BMP1: variants seen among roughly 807,000 people sequenced by gnomAD.
The protein encoded by BMP1 is bone morphogenetic protein 1, also known as mammalian tolloid protein.
In BMP1, 63 loss-of-function variants were observed where a neutral mutation model predicts 116.8. The ratio of observed to expected loss-of-function variants is 0.54; its 90% CI spans 0.44 to 0.67. BMP1 has a LOEUF of 0.67. Ranked by LOEUF, BMP1 falls within the 30% of genes least tolerant of loss-of-function variation. The probability of loss-of-function intolerance (pLI) is 0.00; values close to 1 mark genes in which losing one functional copy is unlikely to be tolerated. For missense variants in BMP1, 1,183 were observed against 1,358.9 expected (o/e 0.87, Z 2.04); for synonymous variants, 536 against 533.4 (o/e 1.00, Z -0.07).
chr8:22,166,256 T>C (rs1331511240), intron 1 of BMP1, among the ~76,000 whole-genome samples: 2 of 151,800 alleles, frequency 1.3e-5, no homozygotes, highest in East Asian at 1.9e-4. Flanking sequence ...CAAGGCCAAG[T>C]TGGGGTGGAA....
chr8:22,199,745 G>C (rs991978875), intron 15 of BMP1, among the ~76,000 whole-genome samples: 1 of 152,114 alleles, frequency 6.6e-6, no homozygotes, highest in Admixed American at 6.5e-5. Context: ...ATGGCTCATA[G>C]GGTGCCCTTC....
At chr8:22,201,584 C>T in intron 15 of BMP1, 1 of 1,390,666 alleles carries the variant, frequency 7.2e-7, no homozygotes, top group Non-Finnish European at 9.4e-7. Context: ...CTCCTCTCCC[C>T]ACAGCTGGGC....
intron 8 of BMP1, among the ~76,000 whole-genome samples, chr8:22,181,338 C>G (rs901946657): frequency 6.6e-6 from 1 of 152,204 alleles, no homozygotes; most frequent in Non-Finnish European, 1.5e-5. Context: ...CTGTCTCCAT[C>G]TTCACAGTCT....
In BMP1 at chr8:22,168,576, G is replaced by A. The variant is rs762851178; in HGVS notation, c.148+3023G>A. ...CTGACAGCCCAGAGTCTGCAGGAGC[G>A]GGAGGGGCAGCACTTACCAGCCCAC... On this transcript the variant is annotated intron_variant, in intron 1 of 19. Transcript: ENST00000306385. Among the ~76,000 whole-genome samples the A allele has an allele frequency of 3.3e-5, 5 of 152,146 alleles. No individual in the cohort carries two copies. The South Asian group carries it at 8.3e-4, about 25-fold the overall frequency.
chr8:22,196,163 G>A (rs1829080485), intron 13 of BMP1: 1 of 516,870 alleles, frequency 1.9e-6, no homozygotes, highest in East Asian at 5.4e-5. Context: ...CTTGCTAACT[G>A]ATATCACCAC....
chr8:22,210,358 C>T (rs1388902568), intron 19 of BMP1, among the ~76,000 whole-genome samples: 1 of 141,896 alleles, frequency 7.0e-6, no homozygotes, highest in Non-Finnish European at 1.5e-5. Context: ...CTTGCAGCTG[C>T]CTCTTCTTCT....
At chr8:22,173,833 C>T in intron 2 of BMP1, 118 bp downstream of exon 2, 1 of 672,856 alleles carries the variant, frequency 1.5e-6, no homozygotes, top group Non-Finnish European at 2.4e-6. Context: ...GAGTTTGACC[C>T]CAGCACATGG....
At position 22,206,777 on chromosome 8, in the gene BMP1, G is replaced by A; in HGVS notation, c.2234-77G>A. On this transcript the variant is annotated intron_variant, in intron 16 of 19. Transcript: ENST00000306385. ...ATGGAAGAAAGGAGGGGGGGCAGGA[G>A]GGAAGGGCCTTCCCCACAGGAGGCA... 1.9e-6 allele frequency: 3 copies of A among 1,589,318 alleles called. No homozygotes were observed. In the South Asian group the frequency reaches 3.4e-5, roughly 18 times the overall value.
Position 22,212,235 on chromosome 8 carries a change from A to T in BMP1, c.*507A>T, listed in dbSNP as rs951212323. 6.1e-6 allele frequency: 1 copy of T among 163,032 alleles called. No homozygotes were observed. The highest frequency in any genetic ancestry group is 1.7e-4 in the South Asian group (1 of 5,868). 10.1% of individuals were successfully genotyped at this position (163,032 alleles called of 1,614,324 possible). ...ACCGTGGGGAGCCGATGGGGAGGGG[A>T]TGGAGAAACAAGACAGGGCTTCTCT... On this transcript the variant is annotated 3_prime_UTR_variant, in exon 20 of 20. Coordinates refer to ENST00000306385, the MANE Select transcript of BMP1 (RefSeq NM_006129.5).
intron 12 of BMP1, among the ~76,000 whole-genome samples, 171 bp from the exon 13 acceptor site, chr8:22,195,291 C>T (rs1439403401): frequency 6.6e-6 from 1 of 152,214 alleles, no homozygotes; most frequent in East Asian, 1.9e-4. Context: ...AGTCAGGGAA[C>T]AGCACGTGAG....
intron 15 of BMP1, chr8:22,199,438 C>A (rs1829195142): frequency 1.6e-6 from 2 of 1,228,004 alleles, no homozygotes; most frequent in African/African-American, 1.6e-5. Flanking sequence ...CCACCCCACC[C>A]CCCTGCAACC....
chr8:22,188,203 GAC>G (rs1449482658), intron 8 of BMP1, among the ~76,000 whole-genome samples: 1 of 130,524 alleles, frequency 7.7e-6, no homozygotes. Context: ...TTTTTTCTGA[GAC>G]AGAGTTGCTC....
intron 1 of BMP1, chr8:22,171,656 G>T (rs1259354244): frequency 1.3e-5 from 2 of 152,164 alleles, no homozygotes; most frequent in Non-Finnish European, 2.9e-5. Context: ...AGTGGTTGCT[G>T]CACTGGGAAT....
chr8:22,176,877 CG>C, intron 4 of BMP1, 83 bp from the exon 5 acceptor site: 1 of 1,272,438 alleles, frequency 7.9e-7, no homozygotes, highest in Non-Finnish European at 1.1e-6. Context: ...CCTGCCGCCC[CG>C]CCCCCGGCAG....
chr8:22,198,093 G>A (rs912356669), intron 15 of BMP1, among the ~76,000 whole-genome samples: 1 of 152,216 alleles, frequency 6.6e-6, no homozygotes, highest in African/African-American at 2.4e-5. Context: ...GCTGAGGTAG[G>A]AGGATTGCTT....
Position 22,206,915 on chromosome 8 carries a change from C to G in BMP1, c.2295C>G (p.Asp765Glu), listed in dbSNP as rs1829369943. The G allele has an allele frequency of 2.5e-6, 4 of 1,614,102 alleles. No homozygotes were observed. Among genetic ancestry groups the G allele is most frequent in the South Asian group, 1.1e-5 (1 of 91,086 alleles). ...SGTITSPNWP[D>E]KYPSKKECTW... ...CCATCACCAGCCCCAACTGGCCTGA[C>G]AAGTATCCCAGCAAGAAGGAGTGCA... is the stretch of plus-strand genomic sequence containing the variant. The change falls in exon 17 of 20, where the codon GAC becomes GAG. Residue 765 changes from aspartate to glutamate, a missense_variant. Asp to Glu is a conservative substitution (Grantham distance 45). Transcript: ENST00000306385.
intron 19 of BMP1, 141 bp downstream of exon 19, chr8:22,209,836 G>C: frequency 1.1e-6 from 1 of 930,218 alleles, no homozygotes; most frequent in South Asian, 1.7e-5. Context: ...CCCTGTGTGG[G>C]AGCCCAGAAG....
At chr8:22,174,789 C>T (rs1004177900) in intron 2 of BMP1, among the ~76,000 whole-genome samples, 6 of 152,040 alleles carry the variant, frequency 3.9e-5, no homozygotes, top group East Asian at 3.9e-4. Flanking sequence ...TGCAACACCA[C>T]GCCTGGCCAA....
chr8:22,205,041 C>T (rs190244717), intron 16 of BMP1, among the ~76,000 whole-genome samples: 7 of 152,194 alleles, frequency 4.6e-5, no homozygotes, highest in Admixed American at 2.0e-4. Context: ...TCCATCCTGA[C>T]GGGGAGGAGG....
Sources: allele counts gnomAD v4.1 joint callset (sites outside exome capture counted in the v4.1 genomes callset), GRCh38; gene constraint gnomAD v4.1.1; transcripts MANE v1.5; gene names NCBI Gene and HGNC (gene_info 2026-07-23, HGNC 2026-07-21).